Variants in MUC17 observed in about 807,000 individuals in gnomAD.
The protein encoded by MUC17 is mucin 17, cell surface associated.
MUC17 carries 190 observed loss-of-function variants against 170.3 expected under a neutral mutation model. The observed-to-expected ratio is 1.12, with a 90% CI of 0.99 to 1.26. MUC17 has a LOEUF of 1.26. MUC17 is among the 50% of genes most tolerant of loss of function. The pLI, the probability that MUC17 is intolerant of heterozygous loss-of-function variation, is 0.00. For missense variants in MUC17, 6,415 were observed against 5,530.0 expected (o/e 1.16, Z -5.08); for synonymous variants, 2,325 against 2,002.5 (o/e 1.16, Z -4.30).
chr7:101,051,963 G>T lies in MUC17; in HGVS notation c.13103+1G>T, dbSNP rs770919259. ...TGTCTCTAAGTGGACCTCAGTGCCT[G>T]TGAGTGCTCCCCCATCTCCTCCAGC... On this transcript the variant is annotated splice_donor_variant, in intron 9 of 12. Transcript: ENST00000306151. LOFTEE classifies it high-confidence loss of function. 3 of 1,611,046 alleles carry T rather than the reference G, an allele frequency of 1.9e-6. No individual in the cohort carries two copies. Among genetic ancestry groups the T allele is most frequent in the Admixed American group, 3.3e-5 (2 of 59,906 alleles).
In MUC17 at chr7:101,049,336, T is replaced by C; in HGVS notation, c.12676T>C (p.Tyr4226His). 1 of 1,614,094 alleles carries C rather than the reference T, an allele frequency of 6.2e-7. No individual in the cohort carries two copies. Among genetic ancestry groups the C allele is most frequent in the Non-Finnish European group, 8.5e-7 (1 of 1,180,002 alleles). The change falls in exon 6 of 13, where the codon TAT becomes CAT. Residue 4226 changes from tyrosine to histidine, a missense_variant. Coordinates refer to ENST00000306151, the MANE Select transcript of MUC17 (RefSeq NM_001040105.2). Reference sequence around the variant, plus strand: ...CCTTGCCTTTCAGATGAATATTGTGTATTCCGGGATCCCTGAGTATGTCGG... The same window carrying C: ...CCTTGCCTTTCAGATGAATATTGTGCATTCCGGGATCCCTGAGTATGTCGG... ...QTFTEQMNIVYSGIPEYVGVN... is the reference protein window; with the variant it reads ...QTFTEQMNIVHSGIPEYVGVN...
chr7:101,045,224 T>C (rs1794816888), intron 3 of MUC17, among the ~76,000 whole-genome samples: 1 of 152,194 alleles, frequency 6.6e-6, no homozygotes. Flanking sequence ...ATGAATAGGC[T>C]CACAGGTATA....
In MUC17 at chr7:101,043,688, C is replaced by T. The variant is rs924153023; in HGVS notation, c.12272C>T (p.Thr4091Ile). Residue 4091 changes from threonine to isoleucine, a missense_variant, in exon 3 of 13, where the codon ACC (threonine) becomes ATC (isoleucine). Physicochemically the swap from Thr to Ile is moderately conservative, Grantham distance 89. Transcript: ENST00000306151. ...ACTGTGAACCCTGAGGCTGTCACCACCATGACCACCAGGACAAAACCCAGC... is the reference window on the plus strand; with the variant it reads ...ACTGTGAACCCTGAGGCTGTCACCATCATGACCACCAGGACAAAACCCAGC... ...STTVNPEAVT[T>I]MTTRTKPSTR... The T allele has an allele frequency of 1.2e-6, 2 of 1,614,176 alleles. No individual in the cohort carries two copies. Among genetic ancestry groups the T allele is most frequent in the Non-Finnish European group, 8.5e-7 (1 of 1,180,036 alleles).
At chr7:101,048,263 T>G (rs1217051173) in intron 4 of MUC17, 148 bp downstream of exon 4, 6 of 781,192 alleles carry the variant, frequency 7.7e-6, no homozygotes, top group Non-Finnish European at 7.3e-6. Flanking sequence ...TTTTGTTTTG[T>G]TTCCACCCAG....
At chr7:101,023,739 C>G (rs1794134051) in intron 1 of MUC17, among the ~76,000 whole-genome samples, 1 of 152,110 alleles carries the variant, frequency 6.6e-6, no homozygotes, top group Non-Finnish European at 1.5e-5. Context: ...CATTAGATAC[C>G]CAGTAGTGGG....
chr7:101,053,426 C>T lies in MUC17; in HGVS notation c.13353C>T (p.Asp4451=). The T allele has an allele frequency of 6.2e-7, 1 of 1,613,312 alleles. No homozygotes were observed. Reference sequence around the variant, plus strand: ...GGACCTTCCAAAACATTGGCTTTGACATCTGCCAAGGTATTGGCCTTCCTC... The same window carrying T: ...GGACCTTCCAAAACATTGGCTTTGATATCTGCCAAGGTATTGGCCTTCCTC... ...APGTFQNIGF[D]ICQDDDSIHL... is the part of the protein sequence containing the mutation. The change falls in exon 11 of 13, where the codon GAC becomes GAT. Residue 4451 remains aspartate, a synonymous_variant. Coordinates refer to ENST00000306151, the MANE Select transcript of MUC17 (RefSeq NM_001040105.2).
chr7:101,050,720 A>C, intron 7 of MUC17, 85 bp downstream of exon 7: 1 of 1,512,552 alleles, frequency 6.6e-7, no homozygotes, highest in Middle Eastern at 1.8e-4. Flanking sequence ...GGCGGGAGTG[A>C]GGATGGTTAA....
At chr7:101,053,278 C>A in intron 10 of MUC17, 61 bp from the exon 11 acceptor site, 1 of 1,585,706 alleles carries the variant, frequency 6.3e-7, no homozygotes, top group Non-Finnish European at 8.7e-7. Flanking sequence ...TACAGCTTGT[C>A]CCTGGTCCTT....
In MUC17 at chr7:101,034,414, G is replaced by T; in HGVS notation, c.2998G>T (p.Ala1000Ser). ...CCACACGCTGGTGGCCAATTCTGAG[G>T]CTAGCACCCTTTCAACAACTCCTGT... ...VSHTLVANSE[A>S]STLSTTPVDS... is the part of the protein sequence containing the mutation. Residue 1000 changes from alanine to serine, a missense_variant, in exon 3 of 13, where the codon GCT becomes TCT. By Grantham distance (99) the Ala-to-Ser change is moderately conservative. Coordinates refer to ENST00000306151, the MANE Select transcript of MUC17 (RefSeq NM_001040105.2). 5.0e-6 allele frequency: 8 copies of T among 1,606,716 alleles called. No homozygotes were observed. Among genetic ancestry groups the T allele is most frequent in the Non-Finnish European group, 6.8e-6 (8 of 1,176,474 alleles).
In MUC17 at chr7:101,041,782, G is replaced by T. The variant is rs1349211286; in HGVS notation, c.10366G>T (p.Gly3456Ter). The T allele has an allele frequency of 1.2e-6, 2 of 1,613,748 alleles. No homozygotes were observed. The highest frequency in any genetic ancestry group is 1.7e-6 in the Non-Finnish European group (2 of 1,179,960). ...CTTGCCAACCTCAACTACTAGTGAA[G>T]GAAGCACTCCATTATCAATTATGCC... is the stretch of plus-strand genomic sequence containing the variant. The part of the protein sequence containing the change: ...TSLPTSTTSE[G>*]STPLSIMPLS... The change falls in exon 3 of 13, where the codon GGA (glycine) becomes TGA (stop). Residue 3456 changes from glycine (G) to a stop codon, truncating the protein, a stop_gained. Transcript: ENST00000306151. LOFTEE classifies it high-confidence loss of function.
At position 101,053,339 on chromosome 7, in the gene MUC17, G is replaced by C; in HGVS notation, c.13266G>C (p.Arg4422=). 1 of 1,613,726 alleles carries C rather than the reference G, an allele frequency of 6.2e-7. No homozygotes were observed. Residue 4422 remains arginine (R), a splice_region_variant and synonymous_variant, in exon 11 of 13, where the codon CGG becomes CGC. Coordinates refer to ENST00000306151, the MANE Select transcript of MUC17 (RefSeq NM_001040105.2). ...GTCTCTCTGATGTTTCCATCACTAG[G>C]CAAAAGTACAGATTGTCTCAGTTAT... ...LVFRSKREVK[R]QKYRLSQLYK... is the part of the protein sequence containing the mutation.
rs201805248 is a variant in MUC17 at position 101,039,113 on chromosome 7, C to T, written c.7697C>T (p.Thr2566Ile). The T allele has an allele frequency of 9.9e-6, 16 of 1,613,288 alleles. No individual in the cohort carries two copies. Among genetic ancestry groups the T allele is most frequent in the East Asian group, 8.9e-5 (4 of 44,802 alleles). The change falls in exon 3 of 13, where the codon ACC (threonine) becomes ATC (isoleucine). Residue 2566 changes from threonine to isoleucine, a missense_variant. By Grantham distance (89) the Thr-to-Ile change is moderately conservative. Transcript: ENST00000306151. Reference sequence around the variant, plus strand: ...TCCGCTGAAGGTACCAGCATGCCTACCTCAACTTATAGTGAAGGAAGCACT... The same window carrying T: ...TCCGCTGAAGGTACCAGCATGCCTATCTCAACTTATAGTGAAGGAAGCACT... ...ATSAEGTSMP[T>I]STYSEGSTPL...
chr7:101,024,016 G>A (rs1314305534), intron 1 of MUC17, among the ~76,000 whole-genome samples: 1 of 151,994 alleles, frequency 6.6e-6, no homozygotes, highest in East Asian at 1.9e-4. Context: ...TATGCTTGGT[G>A]GTCATTTGTT....
rs1423135274 is a variant in MUC17 at position 101,053,203 on chromosome 7, C to T, written c.13265+56C>T. The T allele has an allele frequency of 6.3e-6, 10 of 1,594,170 alleles. No individual in the cohort carries two copies. The African/African-American group carries it at 1.1e-4, about 17-fold the overall frequency. Reference sequence around the variant, plus strand: ...ACTCCCTCCAGCTCCTCCTCTTCCTCTGAACCCTCTGTCTCTAATCACTTC... The same window carrying T: ...ACTCCCTCCAGCTCCTCCTCTTCCTTTGAACCCTCTGTCTCTAATCACTTC... On this transcript the variant is annotated intron_variant, in intron 10 of 12. Transcript: ENST00000306151.
intron 11 of MUC17, among the ~76,000 whole-genome samples, chr7:101,054,452 A>G (rs766068278): frequency 6.6e-6 from 1 of 152,222 alleles, no homozygotes; most frequent in Non-Finnish European, 1.5e-5. Context: ...GAAATTTCTC[A>G]AAATAGTCTT....
intron 1 of MUC17, among the ~76,000 whole-genome samples, chr7:101,027,758 A>T (rs1302376190): frequency 1.3e-5 from 2 of 151,826 alleles, no homozygotes; most frequent in African/African-American, 2.4e-5. Flanking sequence ...ACACTTACTG[A>T]TAATCTTTAA....
chr7:101,053,061 C>A lies in MUC17; in HGVS notation c.13179C>A (p.Gly4393=). The part of the protein sequence containing the change: ...NQGTQKSLVY[G]LVGAGVVLML... ...GCACCCAGAAGAGTCTGGTGTACGG[C>A]CTCGTGGGGGCAGGGGTCGTGCTGA... The change falls in exon 10 of 13, where the codon GGC becomes GGA. Residue 4393 remains glycine (G), a synonymous_variant. Transcript: ENST00000306151. The A allele has an allele frequency of 6.2e-7, 1 of 1,614,152 alleles. No homozygotes were observed.
chr7:101,046,696 TA>T (rs1471393964), intron 3 of MUC17, among the ~76,000 whole-genome samples: 1 of 152,026 alleles, frequency 6.6e-6, no homozygotes, highest in Non-Finnish European at 1.5e-5. Context: ...GAGGATTGCT[TA>T]AGCCCAGGAG....
At position 101,041,621 on chromosome 7, in the gene MUC17, C is replaced by G. The variant is rs755220205; in HGVS notation, c.10205C>G (p.Ala3402Gly). ...SSPSEGTTPL[A>G]SMPVSTTPVV... ...CCTAGTGAAGGAACCACTCCATTAGCAAGTATGCCTGTCAGCACCACGCCG... is the reference window on the plus strand; with the variant it reads ...CCTAGTGAAGGAACCACTCCATTAGGAAGTATGCCTGTCAGCACCACGCCG... The change falls in exon 3 of 13, where the codon GCA becomes GGA. Residue 3402 changes from alanine to glycine, a missense_variant. Ala to Gly is a moderately conservative substitution (Grantham distance 60). Transcript: ENST00000306151. The G allele has an allele frequency of 6.2e-7, 1 of 1,613,960 alleles. No homozygotes were observed.
Sources: gnomAD v4.1 joint callset for allele counts (sites outside exome capture counted in the v4.1 genomes callset) on GRCh38, gnomAD v4.1.1 for gene constraint, MANE v1.5 for transcripts, NCBI Gene and HGNC (gene_info 2026-07-23, HGNC 2026-07-21) for gene names.